GPC5: variants seen among roughly 807,000 people sequenced by gnomAD.
GPC5 encodes glypican-5.
In GPC5, 47 loss-of-function variants were observed where a neutral mutation model predicts 53.9. That is an observed-to-expected ratio of 0.87 (90% CI 0.69 to 1.11). The LOEUF (loss-of-function observed/expected upper bound fraction) is 1.11. Ranked by LOEUF, GPC5 falls within the 50% of genes most tolerant of loss-of-function variation. The probability of loss-of-function intolerance (pLI) is 0.00; values close to 1 mark genes in which losing one functional copy is unlikely to be tolerated. For missense variants in GPC5, 748 were observed against 713.1 expected, an observed-to-expected ratio of 1.05 and a Z score of -0.56; for synonymous variants, 286 against 263.3, an observed-to-expected ratio of 1.09 and a Z score of -0.84.
chr13:92,269,419 T>TG (rs1312589528), intron 7 of GPC5, among the ~76,000 whole-genome samples: 1 of 152,110 alleles, frequency 6.6e-6, no homozygotes, highest in Non-Finnish European at 1.5e-5. Flanking sequence ...TGTTTTGTTT[T>TG]TTTTGAGACA....
At chr13:92,546,567 A>C (rs1398548633) in intron 7 of GPC5, among the ~76,000 whole-genome samples, 3 of 152,212 alleles carry the variant, frequency 2.0e-5, no homozygotes, top group Admixed American at 6.5e-5. Flanking sequence ...AGGAAGAATC[A>C]ATATTGTGAA....
chr13:91,819,300 C>T (rs1311436615), intron 5 of GPC5, among the ~76,000 whole-genome samples: 1 of 151,748 alleles, frequency 6.6e-6, no homozygotes, highest in Non-Finnish European at 1.5e-5. Flanking sequence ...GCTGGGATTA[C>T]AGGTGCCTGC....
intron 7 of GPC5, among the ~76,000 whole-genome samples, chr13:92,273,588 C>A (rs1222289099): frequency 1.3e-5 from 2 of 151,648 alleles, no homozygotes; most frequent in Admixed American, 1.3e-4. Flanking sequence ...CTTACCAAAA[C>A]AAAGGAAATT....
At chr13:92,057,431 A>G (rs1352920402) in intron 6 of GPC5, among the ~76,000 whole-genome samples, 1 of 152,166 alleles carries the variant, frequency 6.6e-6, no homozygotes, top group Non-Finnish European at 1.5e-5. Context: ...GAAAAACTAA[A>G]ATGGTTGTTG....
intron 7 of GPC5, among the ~76,000 whole-genome samples, chr13:92,799,330 A>G (rs996081907): frequency 7.9e-5 from 12 of 151,790 alleles, no homozygotes; most frequent in Admixed American, 1.3e-4. Context: ...ATGTTAAATT[A>G]GCAGACTTCT....
At chr13:92,823,759 C>A (rs564078528) in intron 7 of GPC5, among the ~76,000 whole-genome samples, 5 of 152,162 alleles carry the variant, frequency 3.3e-5, no homozygotes, top group African/African-American at 1.2e-4. Flanking sequence ...ATTAAAGATA[C>A]CTATGTATAT....
At chr13:92,476,214 C>G (rs1304835007) in intron 7 of GPC5, among the ~76,000 whole-genome samples, 1 of 152,152 alleles carries the variant, frequency 6.6e-6, no homozygotes. Context: ...ACAAACAACC[C>G]CATCAAAAAG....
At chr13:92,585,841 A>G (rs931675811) in intron 7 of GPC5, among the ~76,000 whole-genome samples, 12 of 152,126 alleles carry the variant, frequency 7.9e-5, no homozygotes, top group Non-Finnish European at 1.5e-4. Flanking sequence ...GTCCTGCACA[A>G]GCTCTCTCTT....
At chr13:91,763,432 T>C (rs770140864) in intron 5 of GPC5, among the ~76,000 whole-genome samples, 15 of 152,138 alleles carry the variant, frequency 9.9e-5, no homozygotes, top group Non-Finnish European at 1.9e-4. Flanking sequence ...GGCACTGGAA[T>C]GAGGAGTAGA....
chr13:92,754,563 G>C (rs1467860561), intron 7 of GPC5, among the ~76,000 whole-genome samples: 1 of 151,468 alleles, frequency 6.6e-6, no homozygotes, highest in Admixed American at 6.6e-5. Context: ...AGACCCAACA[G>C]TGTGCTGTAT....
chr13:92,772,029 T>G (rs186346563), intron 7 of GPC5, among the ~76,000 whole-genome samples: 1 of 152,172 alleles, frequency 6.6e-6, no homozygotes, highest in Non-Finnish European at 1.5e-5. Flanking sequence ...TTCCCCCTTT[T>G]CTTTCACACA....
At chr13:91,994,750 T>C (rs933495518) in intron 6 of GPC5, 2 of 152,104 alleles carry the variant, frequency 1.3e-5, no homozygotes, top group Admixed American at 1.3e-4. Context: ...CAAAAGTCCT[T>C]TGTTACAATC....
At chr13:91,977,794 G>T (rs1213281822) in intron 6 of GPC5, among the ~76,000 whole-genome samples, 1 of 151,988 alleles carries the variant, frequency 6.6e-6, no homozygotes, top group Non-Finnish European at 1.5e-5. Context: ...TTACACAATT[G>T]CCTCTTTTTG....
intron 6 of GPC5, among the ~76,000 whole-genome samples, chr13:91,971,872 T>A (rs567032831): frequency 0.024 from 3,646 of 151,868 alleles, 140 homozygotes; most frequent in African/African-American, 0.081. Flanking sequence ...TGCTGAGGAG[T>A]GCTTTACTTC....
intron 2 of GPC5, among the ~76,000 whole-genome samples, chr13:91,546,226 T>A (rs2138787484): frequency 6.6e-6 from 1 of 152,270 alleles, no homozygotes; most frequent in Middle Eastern, 3.4e-3. Context: ...AGCTGCTGCA[T>A]ATTTACTTTT....
chr13:92,352,661 TC>T (rs1280025979), intron 7 of GPC5, among the ~76,000 whole-genome samples: 3 of 152,236 alleles, frequency 2.0e-5, no homozygotes, highest in African/African-American at 7.2e-5. Flanking sequence ...GATGCCATTT[TC>T]CACCTATTGT....
At chr13:91,525,278 T>C (rs545691614) in intron 2 of GPC5, among the ~76,000 whole-genome samples, 1 of 152,336 alleles carries the variant, frequency 6.6e-6, no homozygotes, top group East Asian at 1.9e-4. Context: ...AATTATGTAA[T>C]CAATAAAAAT....
At chr13:92,801,769 C>T (rs187119547) in intron 7 of GPC5, among the ~76,000 whole-genome samples, 5 of 151,232 alleles carry the variant, frequency 3.3e-5, no homozygotes, top group South Asian at 2.1e-4. Context: ...ATTAGTTTTA[C>T]ATTTAAAAAA....
intron 7 of GPC5, among the ~76,000 whole-genome samples, chr13:92,463,758 C>T (rs2139413288): frequency 6.6e-6 from 1 of 152,232 alleles, no homozygotes; most frequent in South Asian, 2.1e-4. Flanking sequence ...CCACAAATAG[C>T]ATTTTTCAGT....
Sources: allele counts gnomAD v4.1 joint callset (sites outside exome capture counted in the v4.1 genomes callset), GRCh38; gene constraint gnomAD v4.1.1; transcripts MANE v1.5; gene names NCBI Gene and HGNC (gene_info 2026-07-23, HGNC 2026-07-21).